FGF14: variants seen among roughly 807,000 people sequenced by gnomAD.
FGF14 encodes the protein fibroblast growth factor 14.
FGF14 carries 5 observed loss-of-function variants against 25.5 expected under a neutral mutation model. The observed-to-expected ratio is 0.20, with a 90% confidence interval of 0.10 to 0.41. The LOEUF (loss-of-function observed/expected upper bound fraction) is 0.41, where lower values mean the gene tolerates loss of function less well. FGF14 is among the 10% of genes least tolerant of loss of function. FGF14 has a pLI of 1.00. For synonymous variants in FGF14, 138 were observed against 118.3 expected, an observed-to-expected ratio of 1.17 and a Z score of -1.08; for missense variants, 222 against 320.1, an observed-to-expected ratio of 0.69 and a Z score of 2.34.
intron 1 of FGF14, among the ~76,000 whole-genome samples, chr13:102,010,888 G>C (rs748408473): frequency 3.3e-5 from 5 of 152,202 alleles, no homozygotes; most frequent in Non-Finnish European, 7.3e-5. Flanking sequence ...TGAAGGATGA[G>C]AGAACGTGGA....
chr13:101,835,228 GGT>G (rs1245519043), intron 3 of FGF14, among the ~76,000 whole-genome samples: 1 of 151,710 alleles, frequency 6.6e-6, no homozygotes, highest in African/African-American at 2.4e-5. Context: ...TGTGTATGTG[GGT>G]GTGTGTGTGA....
chr13:102,245,769 A>T (rs1192056605), intron 1 of FGF14, among the ~76,000 whole-genome samples: 1 of 152,054 alleles, frequency 6.6e-6, no homozygotes, highest in Admixed American at 6.6e-5. Flanking sequence ...CTCAAAAAAC[A>T]GTTATGAGAA....
Position 102,324,456 on chromosome 13 carries a change from A to G in FGF14, c.208+77015T>C, listed in dbSNP as rs769245578. ...CAAAAAAAGGTCTTCAATGTCTGAT[A>G]CATGCTGGGCGCTATGCATCCTGAG... is the stretch of plus-strand genomic sequence containing the variant. On this transcript the variant is annotated intron_variant, in intron 1 of 4. Coordinates refer to the FGF14 transcript ENST00000376131. Among the ~76,000 whole-genome samples, 8 of 152,226 alleles carry G rather than the reference A, an allele frequency of 5.3e-5. No homozygotes were observed. The South Asian group carries it at 6.2e-4, about 12-fold the overall frequency.
intron 3 of FGF14, among the ~76,000 whole-genome samples, chr13:101,781,184 T>C (rs1282152361): frequency 6.6e-6 from 1 of 152,138 alleles, no homozygotes; most frequent in Non-Finnish European, 1.5e-5. Context: ...TGTATGTCCC[T>C]TGAGTGCTAC....
intron 1 of FGF14, among the ~76,000 whole-genome samples, chr13:102,167,312 CAAAAAA>C (rs10689114): frequency 0.098 from 7,085 of 72,612 alleles, 221 homozygotes; most frequent in Middle Eastern, 0.28. Flanking sequence ...CACTCCATCT[CAAAAAA>C]AAAAAAAAAA....
chr13:102,018,946 G>T (rs1364882742), intron 1 of FGF14, among the ~76,000 whole-genome samples: 1 of 152,066 alleles, frequency 6.6e-6, no homozygotes, highest in African/African-American at 2.4e-5. Flanking sequence ...TACCCACAAT[G>T]AGTTGCATGC....
At chr13:102,001,273 G>C (rs2039481885) in intron 1 of FGF14, among the ~76,000 whole-genome samples, 1 of 152,126 alleles carries the variant, frequency 6.6e-6, no homozygotes, top group Admixed American at 6.5e-5. Context: ...TTTTATGACT[G>C]GAAATAAGGA....
chr13:102,120,135 A>T (rs1046968245), intron 1 of FGF14, among the ~76,000 whole-genome samples: 2 of 152,080 alleles, frequency 1.3e-5, no homozygotes, highest in Non-Finnish European at 2.9e-5. Flanking sequence ...GCCTTTTTGG[A>T]CGGCCAAACA....
chr13:102,286,116 T>C (rs773942813), intron 1 of FGF14, among the ~76,000 whole-genome samples: 2 of 151,816 alleles, frequency 1.3e-5, no homozygotes, highest in Non-Finnish European at 3.0e-5. Context: ...GGGAGGTAAG[T>C]AGTCTCGTTC....
intron 3 of FGF14, among the ~76,000 whole-genome samples, chr13:101,763,707 A>G (rs1314226225): frequency 6.6e-6 from 1 of 152,142 alleles, no homozygotes; most frequent in Non-Finnish European, 1.5e-5. Flanking sequence ...TGAAAATACA[A>G]AAACTAGCCA....
At chr13:102,354,694 A>G (rs2057374906) in intron 1 of FGF14, among the ~76,000 whole-genome samples, 1 of 152,150 alleles carries the variant, frequency 6.6e-6, no homozygotes, top group African/African-American at 2.4e-5. Context: ...TGTGTCTTTA[A>G]CCTTGGCAAA....
intron 1 of FGF14, among the ~76,000 whole-genome samples, chr13:102,182,216 C>T (rs1028774040): frequency 6.6e-6 from 1 of 152,040 alleles, no homozygotes; most frequent in African/African-American, 2.4e-5. Flanking sequence ...GCTACATTCC[C>T]GGCCTTGAAT....
chr13:102,170,427 C>T (rs1159937095), intron 1 of FGF14, among the ~76,000 whole-genome samples: 1 of 151,968 alleles, frequency 6.6e-6, no homozygotes, highest in Non-Finnish European at 1.5e-5. Context: ...TTCTGCCCTA[C>T]ACCCAAGCAG....
intron 3 of FGF14, among the ~76,000 whole-genome samples, chr13:101,842,320 C>G (rs1441901223): frequency 6.6e-6 from 1 of 152,008 alleles, no homozygotes; most frequent in African/African-American, 2.4e-5. Context: ...GACTTTCCTC[C>G]CTTCAGCACA....
At chr13:102,100,311 C>A (rs1011996355) in intron 1 of FGF14, among the ~76,000 whole-genome samples, 1 of 152,094 alleles carries the variant, frequency 6.6e-6, no homozygotes, top group African/African-American at 2.4e-5. Flanking sequence ...GCTGTGGAAC[C>A]CTCCCTACAA....
intron 1 of FGF14, among the ~76,000 whole-genome samples, chr13:102,148,378 T>A (rs9585857): frequency 6.6e-6 from 1 of 152,228 alleles, no homozygotes; most frequent in Non-Finnish European, 1.5e-5. Flanking sequence ...TATATTTTAA[T>A]TGTCTTATAA....
intron 1 of FGF14, among the ~76,000 whole-genome samples, chr13:102,271,613 T>C (rs1054561114): frequency 6.6e-6 from 1 of 152,180 alleles, no homozygotes; most frequent in Non-Finnish European, 1.5e-5. Context: ...TAATATCACG[T>C]TGTGTTTCAT....
chr13:102,196,974 C>A (rs1015155527), intron 1 of FGF14, among the ~76,000 whole-genome samples: 3 of 149,726 alleles, frequency 2.0e-5, no homozygotes, highest in Non-Finnish European at 4.4e-5. Context: ...TTTTTCTGCT[C>A]TTACAATGTA....
chr13:102,168,568 G>T (rs1023838209), intron 1 of FGF14, among the ~76,000 whole-genome samples: 2 of 152,154 alleles, frequency 1.3e-5, no homozygotes, highest in Non-Finnish European at 2.9e-5. Context: ...GATTAATGTG[G>T]TGTTAACACT....
Sources: gnomAD v4.1 joint callset for allele counts (sites outside exome capture counted in the v4.1 genomes callset) on GRCh38, gnomAD v4.1.1 for gene constraint, MANE v1.5 for transcripts, NCBI Gene and HGNC (gene_info 2026-07-23, HGNC 2026-07-21) for gene names.